Variants in SCHIP1 observed in about 807,000 individuals in gnomAD.
SCHIP1 encodes schwannomin interacting protein 1.
Under a neutral mutation model 29.7 loss-of-function variants are expected in SCHIP1, and 8 were observed. That is an observed-to-expected ratio of 0.27 (90% CI 0.16 to 0.49). The LOEUF is 0.49. Among genes scored for constraint, SCHIP1 ranks in the 20% least tolerant of loss-of-function variants. SCHIP1 has a pLI of 0.99. For missense variants in SCHIP1, 193 were observed against 294.6 expected (o/e 0.66, Z 2.52); for synonymous variants, 76 against 94.9 (o/e 0.80, Z 1.16).
At chr3:159,718,992 C>G in the SCHIP1 span, among the ~76,000 whole-genome samples, 40 of 152,106 alleles carry the variant, frequency 2.6e-4, 1 homozygote, top group South Asian at 6.6e-3. Flanking sequence ...ATACTACAAG[C>G]CTACAGTAAC....
the SCHIP1 span, among the ~76,000 whole-genome samples, chr3:159,801,063 G>T: frequency 6.6e-6 from 1 of 151,672 alleles, no homozygotes; most frequent in Non-Finnish European, 1.5e-5. Context: ...TCCACTGCTG[G>T]CATCTGCTTT....
chr3:159,302,160 A>G, the SCHIP1 span, among the ~76,000 whole-genome samples: 1 of 152,130 alleles, frequency 6.6e-6, no homozygotes, highest in African/African-American at 2.4e-5. Context: ...ATGCTTGTAT[A>G]TTGGTTGCTA....
chr3:159,625,676 T>G, the SCHIP1 span, among the ~76,000 whole-genome samples: 3 of 152,086 alleles, frequency 2.0e-5, no homozygotes, highest in African/African-American at 7.2e-5. Context: ...CTTTTTTGTT[T>G]CCAGAAAGCT....
chr3:159,665,530 T>G, the SCHIP1 span, among the ~76,000 whole-genome samples: 1 of 146,866 alleles, frequency 6.8e-6, no homozygotes, highest in African/African-American at 2.7e-5. Flanking sequence ...GTTGTGGTGG[T>G]TTTTTGTTTT....
chr3:159,363,115 A>G, the SCHIP1 span, among the ~76,000 whole-genome samples: 4 of 152,140 alleles, frequency 2.6e-5, no homozygotes, highest in Non-Finnish European at 5.9e-5. Context: ...CTCTCCCTTG[A>G]GTATGTATAG....
chr3:159,497,860 A>T, the SCHIP1 span, among the ~76,000 whole-genome samples: 1 of 152,150 alleles, frequency 6.6e-6, no homozygotes, highest in African/African-American at 2.4e-5. Flanking sequence ...TACCCTCCCT[A>T]CCGTGCCACT....
intron 1 of SCHIP1, among the ~76,000 whole-genome samples, chr3:159,855,522 T>C (rs1197690366): frequency 6.6e-6 from 1 of 152,094 alleles, no homozygotes; most frequent in Non-Finnish European, 1.5e-5. Flanking sequence ...TGGTTTTGAG[T>C]CCATGCCTGT....
At chr3:159,760,965 C>T in the SCHIP1 span, among the ~76,000 whole-genome samples, 55,893 of 152,054 alleles carry the variant, frequency 0.37, 10,663 homozygotes, top group East Asian at 0.52. Flanking sequence ...CGGGCACGTG[C>T]GAATGTCACC....
At chr3:159,677,670 A>G in the SCHIP1 span, among the ~76,000 whole-genome samples, 1 of 152,174 alleles carries the variant, frequency 6.6e-6, no homozygotes. Flanking sequence ...GGAGTCCACC[A>G]GCGTTAGGGA....
the SCHIP1 span, among the ~76,000 whole-genome samples, chr3:159,638,634 G>A: frequency 6.7e-6 from 1 of 149,254 alleles, no homozygotes; most frequent in South Asian, 2.1e-4. Flanking sequence ...AAAAAAAACA[G>A]CTAGAGGGGG....
At chr3:159,274,802 C>T in the SCHIP1 span, 1 of 680,672 alleles carries the variant, frequency 1.5e-6, no homozygotes, top group African/African-American at 2.0e-5. Flanking sequence ...TAGTTTGGAA[C>T]ATTTATTTAT....
At chr3:159,742,261 G>A in the SCHIP1 span, among the ~76,000 whole-genome samples, 1 of 152,158 alleles carries the variant, frequency 6.6e-6, no homozygotes. Flanking sequence ...GCTTCTTCCT[G>A]TGCTAGGGCT....
chr3:159,314,303 G>A, the SCHIP1 span, among the ~76,000 whole-genome samples: 2 of 152,184 alleles, frequency 1.3e-5, no homozygotes, highest in South Asian at 2.1e-4. Flanking sequence ...GAAACTGGAA[G>A]TCCAGTATTT....
At chr3:159,440,622 T>G in the SCHIP1 span, among the ~76,000 whole-genome samples, 1 of 152,190 alleles carries the variant, frequency 6.6e-6, no homozygotes, top group South Asian at 2.1e-4. Flanking sequence ...AATTCATTAC[T>G]AGCCATATTT....
At chr3:159,772,544 A>G in the SCHIP1 span, among the ~76,000 whole-genome samples, 1 of 152,142 alleles carries the variant, frequency 6.6e-6, no homozygotes, top group Non-Finnish European at 1.5e-5. Context: ...CACATATTAC[A>G]CATTCCCTGA....
chr3:159,560,822 C>T, the SCHIP1 span, among the ~76,000 whole-genome samples: 7 of 152,202 alleles, frequency 4.6e-5, no homozygotes, highest in Admixed American at 1.3e-4. Context: ...GTTGCTTGCT[C>T]ATGGGGTGCT....
the SCHIP1 span, among the ~76,000 whole-genome samples, chr3:159,834,776 A>T: frequency 6.6e-6 from 1 of 152,244 alleles, no homozygotes; most frequent in African/African-American, 2.4e-5. Context: ...GTACAAAATT[A>T]TTATGAAATA....
At chr3:159,598,377 C>T in the SCHIP1 span, among the ~76,000 whole-genome samples, 1 of 152,174 alleles carries the variant, frequency 6.6e-6, no homozygotes, top group Admixed American at 6.6e-5. Context: ...TAGTTACCTC[C>T]AAGATACAAT....
chr3:159,670,767 A>G, the SCHIP1 span, among the ~76,000 whole-genome samples: 1 of 152,018 alleles, frequency 6.6e-6, no homozygotes, highest in Non-Finnish European at 1.5e-5. Flanking sequence ...CTTCCTCTCA[A>G]ACAACCCCAT....
Sources: gnomAD v4.1 joint callset for allele counts (sites outside exome capture counted in the v4.1 genomes callset) on GRCh38, gnomAD v4.1.1 for gene constraint, MANE v1.5 for transcripts, NCBI Gene and HGNC (gene_info 2026-07-23, HGNC 2026-07-21) for gene names.